The following PRDM6 variants were observed in gnomAD, a reference collection of about 807,000 sequenced individuals.
The protein encoded by PRDM6 is putative histone-lysine N-methyltransferase PRDM6.
Under a neutral mutation model 60.8 loss-of-function variants are expected in PRDM6, and 25 were observed. The ratio of observed to expected loss-of-function variants is 0.41; its 90% confidence interval spans 0.30 to 0.57. The LOEUF (loss-of-function observed/expected upper bound fraction) is 0.57. Among genes scored for constraint, PRDM6 ranks in the 20% least tolerant of loss-of-function variants. The probability of loss-of-function intolerance (pLI) is 0.27; values close to 1 mark genes in which losing one functional copy is unlikely to be tolerated. For synonymous variants in PRDM6, 407 were observed against 357.4 expected (o/e 1.14, Z -1.57); for missense variants, 839 against 821.3 (o/e 1.02, Z -0.26).
At chr5:123,177,234 A>G (rs1481248960) in intron 6 of PRDM6, among the ~76,000 whole-genome samples, 4 of 152,310 alleles carry the variant, frequency 2.6e-5, no homozygotes, top group Non-Finnish European at 5.9e-5. Context: ...TCTTTTATTC[A>G]TATTTTAAGG....
chr5:123,101,089 A>C (rs1030531149), intron 3 of PRDM6, among the ~76,000 whole-genome samples: 4 of 152,208 alleles, frequency 2.6e-5, no homozygotes, highest in Non-Finnish European at 5.9e-5. Flanking sequence ...GGCCTGTCAA[A>C]ATGATCTTTT....
chr5:123,172,911 G>T (rs1765925866), intron 6 of PRDM6, among the ~76,000 whole-genome samples: 1 of 152,194 alleles, frequency 6.6e-6, no homozygotes, highest in Non-Finnish European at 1.5e-5. Context: ...TATGTGTGGG[G>T]CCGGGCGCAG....
At chr5:123,108,378 A>T (rs754103992) in intron 3 of PRDM6, among the ~76,000 whole-genome samples, 18 of 152,308 alleles carry the variant, frequency 1.2e-4, no homozygotes, top group Non-Finnish European at 2.4e-4. Context: ...GGAAATATTA[A>T]TGTTTATCAC....
rs1383212837 is a variant in PRDM6, at chr5:123,192,959, G to T, written c.*5758G>T. On this transcript the variant is annotated 3_prime_UTR_variant, in exon 8 of 8. Transcript: ENST00000407847. ...GCACAGATAGTGTAGTTACATGCATGAGGTACTCAAGGAACCAGTTCAAGT... is the reference window on the plus strand; with the variant it reads ...GCACAGATAGTGTAGTTACATGCATTAGGTACTCAAGGAACCAGTTCAAGT... 6.6e-6 allele frequency: 1 copy of T among 152,178 alleles called. No homozygotes were observed. The highest frequency in any genetic ancestry group is 1.5e-5 in the Non-Finnish European group (1 of 68,034). 9.4% of individuals were successfully genotyped at this position (152,178 alleles called of 1,614,324 possible). A position where few individuals can be genotyped will look rare whatever the true frequency, so the allele number is the denominator to read the frequency against.
intron 3 of PRDM6, among the ~76,000 whole-genome samples, chr5:123,141,139 A>G (rs562818429): frequency 6.6e-6 from 1 of 152,154 alleles, no homozygotes; most frequent in African/African-American, 2.4e-5. Context: ...ACATTATTTT[A>G]TAAAATAAAT....
intron 3 of PRDM6, among the ~76,000 whole-genome samples, chr5:123,152,170 C>G (rs1245039899): frequency 1.3e-5 from 2 of 152,162 alleles, no homozygotes; most frequent in African/African-American, 4.8e-5. Context: ...GTGCCCCCAG[C>G]TGTAATGGAC....
At chr5:123,125,091 G>GTTTTTTT (rs1764663380) in intron 3 of PRDM6, among the ~76,000 whole-genome samples, 5 of 144,202 alleles carry the variant, frequency 3.5e-5, no homozygotes, top group Non-Finnish European at 3.0e-5. Flanking sequence ...CTTGTGTTGC[G>GTTTTTTT]TTTTTCTGAA....
intron 3 of PRDM6, among the ~76,000 whole-genome samples, chr5:123,147,300 A>AGAGAGAGAGAGAGAGG (rs1268216364): frequency 6.6e-6 from 1 of 152,072 alleles, no homozygotes; most frequent in Admixed American, 6.6e-5. Context: ...AGAGAGAGAG[A>AGAGAGAGAGAGAGAGG]GAGAGAGAAA....
At chr5:123,154,793 A>G (rs1765455013) in intron 3 of PRDM6, among the ~76,000 whole-genome samples, 1 of 152,230 alleles carries the variant, frequency 6.6e-6, no homozygotes, top group Non-Finnish European at 1.5e-5. Flanking sequence ...AGTAGCTACC[A>G]GCAGAAGGAT....
chr5:123,188,357 C>A lies in PRDM6; in HGVS notation c.*1156C>A, dbSNP rs1351510488. The A allele has an allele frequency of 6.6e-6, 1 of 152,280 alleles. No individual in the cohort carries two copies. The highest frequency in any genetic ancestry group is 2.1e-4 in the South Asian group (1 of 4,832). The allele number at this position is 152,280 out of a possible 1,614,324, so 9.4% of individuals were successfully genotyped here. ...TATCAATAGGATTACTTTGTCTTTT[C>A]TTGAGATTGATTAATTGAAAGAGAA... On this transcript the variant is annotated 3_prime_UTR_variant, in exon 8 of 8. Transcript: ENST00000407847.
rs932342549 is a variant in PRDM6, at chr5:123,190,893, C to G, written c.*3692C>G. 3 of 152,156 alleles carry G rather than the reference C, an allele frequency of 2.0e-5. No individual in the cohort carries two copies. The highest frequency in any genetic ancestry group is 4.4e-5 in the Non-Finnish European group (3 of 68,036). 9.4% of individuals were successfully genotyped at this position (152,156 alleles called of 1,614,324 possible). On this transcript the variant is annotated 3_prime_UTR_variant, in exon 8 of 8. Coordinates refer to ENST00000407847, the MANE Select transcript of PRDM6 (RefSeq NM_001136239.4). ...AAAATGGGTATTTTAGTCCTTTAGA[C>G]CATTGTCTCAGTGAAGTTAAAGATT...
At chr5:123,134,365 G>C (rs1488924500) in intron 3 of PRDM6, among the ~76,000 whole-genome samples, 1 of 151,976 alleles carries the variant, frequency 6.6e-6, no homozygotes, top group Admixed American at 6.6e-5. Flanking sequence ...CTTTATTTTA[G>C]TGTTTCAAAC....
At chr5:123,169,429 C>T (rs1273801759) in intron 5 of PRDM6, among the ~76,000 whole-genome samples, 4 of 152,186 alleles carry the variant, frequency 2.6e-5, no homozygotes, top group Non-Finnish European at 5.9e-5. Context: ...GGGCCATCTC[C>T]CTCACACCCG....
chr5:123,141,310 T>C (rs1765094007), intron 3 of PRDM6, among the ~76,000 whole-genome samples: 1 of 152,106 alleles, frequency 6.6e-6, no homozygotes. Flanking sequence ...TTGCCTGAAT[T>C]AACATATTAA....
chr5:123,104,811 T>A (rs1040903823), intron 3 of PRDM6, among the ~76,000 whole-genome samples: 6 of 152,218 alleles, frequency 3.9e-5, no homozygotes, highest in Non-Finnish European at 4.4e-5. Context: ...TTACATAAAC[T>A]GTAAAACCAT....
chr5:123,151,765 G>A (rs1765374002), intron 3 of PRDM6, among the ~76,000 whole-genome samples: 1 of 152,054 alleles, frequency 6.6e-6, no homozygotes, highest in African/African-American at 2.4e-5. Flanking sequence ...TTTTCACACA[G>A]GGTCCCCCAG....
chr5:123,132,953 A>G (rs1010400647), intron 3 of PRDM6, among the ~76,000 whole-genome samples: 5 of 152,226 alleles, frequency 3.3e-5, no homozygotes, highest in Admixed American at 6.5e-5. Context: ...CATGAAGACT[A>G]TTCTCTGACA....
At chr5:123,160,247 A>G (rs1765596267) in intron 5 of PRDM6, among the ~76,000 whole-genome samples, 2 of 152,246 alleles carry the variant, frequency 1.3e-5, no homozygotes, top group Non-Finnish European at 2.9e-5. Context: ...CGTGCCAACC[A>G]TTATCTTTAA....
At chr5:123,132,739 A>G (rs1764860646) in intron 3 of PRDM6, among the ~76,000 whole-genome samples, 1 of 151,932 alleles carries the variant, frequency 6.6e-6, no homozygotes. Context: ...GCTTAGAAGC[A>G]CCTTCCTTTT....
Sources: gnomAD v4.1 joint callset for allele counts (sites outside exome capture counted in the v4.1 genomes callset) on GRCh38, gnomAD v4.1.1 for gene constraint, MANE v1.5 for transcripts, NCBI Gene and HGNC (gene_info 2026-07-23, HGNC 2026-07-21) for gene names.